Variants in GPR155 observed in about 807,000 individuals in gnomAD.
GPR155 encodes G protein-coupled receptor 155.
In GPR155, 65 loss-of-function variants were observed where a neutral mutation model predicts 93.1. The observed-to-expected ratio is 0.70, with a 90% CI of 0.57 to 0.86. The LOEUF is 0.86. GPR155 is among the 40% of genes least tolerant of loss of function. The pLI is 0.00. For synonymous variants in GPR155, 319 were observed against 360.1 expected (o/e 0.89, Z 1.29); for missense variants, 838 against 1,034.8 (o/e 0.81, Z 2.61).
At position 174,470,241 on chromosome 2, in the gene GPR155, A is replaced by G. The variant is rs1687952577; in HGVS notation, c.1026+149T>C. On this transcript the variant is annotated intron_variant, in intron 4 of 15. Transcript: ENST00000392552. Reference sequence around the variant, plus strand: ...TTGGGAGGCCAAGGCAGAAGGCAGGAGTTTGAAACCAGCCTGGGGCAACAT... The same window carrying G: ...TTGGGAGGCCAAGGCAGAAGGCAGGGGTTTGAAACCAGCCTGGGGCAACAT... 2.7e-5 allele frequency: 17 copies of G among 618,980 alleles called. No homozygotes were observed. The South Asian group carries it at 3.3e-4, about 12-fold the overall frequency. 38.3% of individuals were successfully genotyped at this position (618,980 alleles called of 1,614,324 possible).
intron 13 of GPR155, among the ~76,000 whole-genome samples, chr2:174,442,422 C>T (rs896025735): frequency 6.6e-6 from 1 of 152,080 alleles, no homozygotes; most frequent in Non-Finnish European, 1.5e-5. Context: ...GCTGAGCAGC[C>T]GCATTTACAT....
At position 174,459,927 on chromosome 2, in the gene GPR155, T is replaced by C. The variant is rs201766727; in HGVS notation, c.1722A>G (p.Pro574=). 3 of 1,614,036 alleles carry C rather than the reference T, an allele frequency of 1.9e-6. No individual in the cohort carries two copies. The African/African-American group carries it at 4.0e-5, about 22-fold the overall frequency. ...AAAGTTCTGGTTCATTTACTGGTGCTGGACTCTCCTCAAAAGCAGTATTTC... is the reference window on the plus strand; with the variant it reads ...AAAGTTCTGGTTCATTTACTGGTGCCGGACTCTCCTCAAAAGCAGTATTTC... ...EPGNTAFEES[P]APVNEPELFT... The change falls in exon 10 of 16, where the codon CCA becomes CCG. Residue 574 remains proline, a synonymous_variant. Transcript: ENST00000392552.
chr2:174,462,725 AGTG>A (rs1278528591), intron 7 of GPR155, among the ~76,000 whole-genome samples: 8 of 152,256 alleles, frequency 5.3e-5, no homozygotes, highest in Non-Finnish European at 1.2e-4. Flanking sequence ...AAACGCCCTA[AGTG>A]TAATGATAGC....
At chr2:174,474,839 A>G (rs1688096897) in intron 2 of GPR155, among the ~76,000 whole-genome samples, 3 of 152,170 alleles carry the variant, frequency 2.0e-5, no homozygotes, top group East Asian at 3.9e-4. Flanking sequence ...AGGGCCTTTC[A>G]GTAAACAACT....
intron 9 of GPR155, 55 bp from the exon 10 acceptor site, chr2:174,460,143 T>C: frequency 1.0e-6 from 1 of 995,452 alleles, no homozygotes; most frequent in Non-Finnish European, 1.5e-6. Flanking sequence ...ATCTTGATAA[T>C]CTTAGGGCAC....
chr2:174,481,879 A>C lies in GPR155; in HGVS notation c.78T>G (p.His26Gln). 1 of 1,614,126 alleles carries C rather than the reference A, an allele frequency of 6.2e-7. No homozygotes were observed. The highest frequency in any genetic ancestry group is 1.1e-5 in the South Asian group (1 of 91,084). ...MTKTLPTAVT[H>Q]GFNSTNDPPS... ...GTGGGTCATTAGTGGAATTAAATCC[A>C]TGCGTTACTGCTGTAGGCAAAGTCT... Residue 26 changes from histidine (H) to glutamine (Q), a missense_variant, in exon 2 of 16, where the codon CAT becomes CAG. His to Gln is a conservative substitution (Grantham distance 24). This residue lies in a region of GPR155 where 663 missense variants were observed against 790.1 expected (regional missense o/e 0.84). Coordinates refer to ENST00000392552, the MANE Select transcript of GPR155 (RefSeq NM_152529.7).
intron 11 of GPR155, among the ~76,000 whole-genome samples, chr2:174,449,252 G>A (rs373975284): frequency 6.6e-6 from 1 of 152,186 alleles, no homozygotes; most frequent in African/African-American, 2.4e-5. Flanking sequence ...AGGCTGTAGA[G>A]AAAAGGGAAT....
chr2:174,446,785 T>G, intron 11 of GPR155, 38 bp from the exon 12 acceptor site: 2 of 1,595,026 alleles, frequency 1.3e-6, no homozygotes, highest in Non-Finnish European at 1.7e-6. Context: ...TAATCAGAGC[T>G]TTTTATCTAA....
chr2:174,480,480 A>C (rs1688287594), intron 2 of GPR155, among the ~76,000 whole-genome samples: 1 of 152,206 alleles, frequency 6.6e-6, no homozygotes, highest in Non-Finnish European at 1.5e-5. Flanking sequence ...ATATAACTTT[A>C]ATTTAAAATA....
chr2:174,460,842 T>C (rs1687670473), intron 9 of GPR155, among the ~76,000 whole-genome samples: 1 of 152,204 alleles, frequency 6.6e-6, no homozygotes, highest in Non-Finnish European at 1.5e-5. Flanking sequence ...AAATCTTTTA[T>C]ATGTATAATC....
chr2:174,475,597 A>G (rs1374828693), intron 2 of GPR155, among the ~76,000 whole-genome samples: 1 of 152,188 alleles, frequency 6.6e-6, no homozygotes, highest in Non-Finnish European at 1.5e-5. Context: ...ATTTGATTAC[A>G]TAAAACTTTA....
At chr2:174,458,890 C>A (rs1687598894) in intron 10 of GPR155, among the ~76,000 whole-genome samples, 1 of 152,048 alleles carries the variant, frequency 6.6e-6, no homozygotes, top group African/African-American at 2.4e-5. Context: ...GAGTTCTAGA[C>A]CAGCCTGACC....
chr2:174,450,951 T>C (rs74700954), intron 11 of GPR155, among the ~76,000 whole-genome samples: 1 of 152,154 alleles, frequency 6.6e-6, no homozygotes, highest in South Asian at 2.1e-4. Flanking sequence ...TGAATAAAAA[T>C]TATTTGTATA....
rs2105728258 is a variant in GPR155, at chr2:174,472,986, A to T, written c.839T>A (p.Ile280Asn). 6.3e-7 allele frequency: 1 copy of T among 1,589,300 alleles called. No individual in the cohort carries two copies. Among genetic ancestry groups the T allele is most frequent in the Non-Finnish European group, 8.5e-7 (1 of 1,174,344 alleles). The change falls in exon 3 of 16, where the codon ATT becomes AAT. Residue 280 changes from isoleucine (I) to asparagine (N), a missense_variant. Physicochemically the swap from Ile to Asn is moderately radical, Grantham distance 149 (BLOSUM62 -3). Coordinates refer to ENST00000392552, the MANE Select transcript of GPR155 (RefSeq NM_152529.7). ...RLKKSAFVVL[I>N]LLITAKLLVL... ...TTACAGTTTAGCTGTGATGAGAAGA[A>T]TTAGTACTACAAATGCCGACTTCTT...
chr2:174,473,427 T>C (rs1688057515), intron 2 of GPR155, 63 bp from the exon 3 acceptor site: 16 of 1,080,350 alleles, frequency 1.5e-5, no homozygotes, highest in South Asian at 1.4e-4. Flanking sequence ...ATGTTATGTA[T>C]ATAACATTTT....
At chr2:174,453,911 C>T in intron 10 of GPR155, 70 bp from the exon 11 acceptor site, 1 of 1,023,800 alleles carries the variant, frequency 9.8e-7, no homozygotes, top group East Asian at 2.4e-5. Context: ...TAAGAAATGC[C>T]AAAGAAAACA....
rs1245283331 is a variant in GPR155, at chr2:174,433,869, AAG to A, written c.*2245_*2246del. On this transcript the variant is annotated 3_prime_UTR_variant, in exon 16 of 16. Coordinates refer to ENST00000392552, the MANE Select transcript of GPR155 (RefSeq NM_152529.7). ...GTTTTAGTAGCTAAAATATTAGACTAAGAGAAAAGGCAACATTTAGTAATTTT... is the reference window on the plus strand; with the variant it reads ...GTTTTAGTAGCTAAAATATTAGACTAAGAAAAGGCAACATTTAGTAATTTT... 1 of 152,240 alleles carries A rather than the reference AAG, an allele frequency of 6.6e-6. No individual in the cohort carries two copies. Among genetic ancestry groups the A allele is most frequent in the East Asian group, 1.9e-4 (1 of 5,202 alleles). The allele number at this position is 152,240 out of a possible 1,614,324, so 9.4% of individuals were successfully genotyped here.
intron 1 of GPR155, among the ~76,000 whole-genome samples, chr2:174,485,684 G>T (rs989940746): frequency 5.3e-5 from 8 of 151,702 alleles, no homozygotes; most frequent in Non-Finnish European, 2.9e-5. Flanking sequence ...TACCTGCTGA[G>T]GTAAAGTCAA....
intron 13 of GPR155, among the ~76,000 whole-genome samples, chr2:174,443,259 A>T (rs1687019408): frequency 6.6e-6 from 1 of 152,218 alleles, no homozygotes; most frequent in Admixed American, 6.5e-5. Context: ...TAATGGCCAA[A>T]CTGTAAATAT....
Sources: gnomAD v4.1 joint callset for allele counts (sites outside exome capture counted in the v4.1 genomes callset) on GRCh38, gnomAD v4.1.1 for gene constraint, gnomAD v4.1.1 regional missense constraint, MANE v1.5 for transcripts, NCBI Gene and HGNC (gene_info 2026-07-23, HGNC 2026-07-21) for gene names.